Variants in PLCB1 observed in about 807,000 individuals in gnomAD.
The protein encoded by PLCB1 is 1-phosphatidylinositol 4,5-bisphosphate phosphodiesterase beta-1.
A neutral mutation model predicts 161.8 loss-of-function variants in PLCB1; 46 were observed. The ratio of observed to expected loss-of-function variants is 0.28; its 90% CI spans 0.22 to 0.36. The LOEUF is 0.36. Among genes scored for constraint, PLCB1 ranks in the 10% least tolerant of loss-of-function variants. PLCB1 has a pLI of 1.00. For synonymous variants in PLCB1, 517 were observed against 503.7 expected, an observed-to-expected ratio of 1.03 and a Z score of -0.35; for missense variants, 1,016 against 1,472.5, an observed-to-expected ratio of 0.69 and a Z score of 5.07.
rs149096490 is a variant in PLCB1, at chr20:8,452,798, T to C, written c.246+81348T>C. Among the ~76,000 whole-genome samples, 4 of 152,338 alleles carry C rather than the reference T, an allele frequency of 2.6e-5. No individual in the cohort carries two copies. The East Asian group carries it at 7.7e-4, about 29-fold the overall frequency. ...AGATGAATACATTGGAGGAAAGATA[T>C]TCTGGTAGGAACACTGTGAGTAAAC... is the stretch of plus-strand genomic sequence containing the variant. On this transcript the variant is annotated intron_variant, in intron 3 of 31. Coordinates refer to ENST00000338037, the MANE Select transcript of PLCB1 (RefSeq NM_015192.4).
At chr20:8,777,340 C>A (rs189033238) in intron 27 of PLCB1, among the ~76,000 whole-genome samples, 9 of 152,216 alleles carry the variant, frequency 5.9e-5, no homozygotes, top group Middle Eastern at 3.4e-3. Flanking sequence ...AAAGTTCAGG[C>A]CAACAGCAGC....
chr20:8,573,903 A>G lies in PLCB1; in HGVS notation c.247-54391A>G, dbSNP rs77589414. Among the ~76,000 whole-genome samples the G allele has an allele frequency of 5.0e-3, 758 of 152,330 alleles. 5 individuals are homozygous for G. The highest frequency in any genetic ancestry group is 0.017 in the African/African-American group (716 of 41,566). On this transcript the variant is annotated intron_variant, in intron 3 of 31. Transcript: ENST00000338037. The stretch of plus-strand genomic sequence containing the variant: ...GTCTGTTATTTCAGGGTAATTACAC[A>G]TTTACATTTTTGCAGCTAGCAGCTG...
At chr20:8,814,642 C>A (rs1984998551) in intron 31 of PLCB1, among the ~76,000 whole-genome samples, 1 of 150,522 alleles carries the variant, frequency 6.6e-6, no homozygotes, top group South Asian at 2.1e-4. Context: ...TTACTCATTG[C>A]TTTTGGTACA....
At chr20:8,356,927 G>A (rs879917200) in intron 2 of PLCB1, among the ~76,000 whole-genome samples, 5 of 152,154 alleles carry the variant, frequency 3.3e-5, no homozygotes, top group East Asian at 3.8e-4. Flanking sequence ...CAGGGCCTGA[G>A]CTAAGTGGAT....
intron 2 of PLCB1, among the ~76,000 whole-genome samples, chr20:8,364,169 C>T (rs564551793): frequency 6.6e-6 from 1 of 152,142 alleles, no homozygotes; most frequent in South Asian, 2.1e-4. Context: ...GACCTTGGCT[C>T]CCGGAAGAAT....
intron 3 of PLCB1, among the ~76,000 whole-genome samples, chr20:8,495,324 T>G (rs537943542): frequency 6.6e-6 from 1 of 151,950 alleles, no homozygotes; most frequent in African/African-American, 2.4e-5. Flanking sequence ...ACCTTAACAT[T>G]TTGGCTTCAG....
intron 3 of PLCB1, among the ~76,000 whole-genome samples, chr20:8,450,162 C>T (rs754771482): frequency 6.6e-6 from 1 of 152,180 alleles, no homozygotes; most frequent in Non-Finnish European, 1.5e-5. Context: ...TCCCATCCTA[C>T]TCCTGGAAGT....
rs557304926 is a variant in PLCB1 at position 8,551,591 on chromosome 20, A to T, written c.247-76703A>T. ...TAGACTGTCCTTTTGCATGCTGGAG[A>T]GTGAGCTCTTCCAGAGGCAGCCCTC... On this transcript the variant is annotated intron_variant, in intron 3 of 31. Transcript: ENST00000338037. Among the ~76,000 whole-genome samples, 5 of 152,098 alleles carry T rather than the reference A, an allele frequency of 3.3e-5. 1 individual carries two copies. The highest frequency in any genetic ancestry group is 3.3e-4 in the Admixed American group (5 of 15,260).
At chr20:8,149,557 C>G (rs939969702) in intron 1 of PLCB1, among the ~76,000 whole-genome samples, 1 of 152,092 alleles carries the variant, frequency 6.6e-6, no homozygotes, top group Non-Finnish European at 1.5e-5. Flanking sequence ...CTAAAAAATG[C>G]AATTCCTGCA....
chr20:8,497,664 C>T (rs1271027211), intron 3 of PLCB1, among the ~76,000 whole-genome samples: 3 of 151,948 alleles, frequency 2.0e-5, no homozygotes, highest in Admixed American at 6.6e-5. Flanking sequence ...CCATGTATTG[C>T]CTTGACTTAC....
chr20:8,809,524 A>G (rs991359959), intron 31 of PLCB1, among the ~76,000 whole-genome samples: 1 of 152,104 alleles, frequency 6.6e-6, no homozygotes, highest in African/African-American at 2.4e-5. Flanking sequence ...TTGAAAATCA[A>G]CAATCTCTAA....
intron 2 of PLCB1, among the ~76,000 whole-genome samples, chr20:8,296,113 A>T (rs1983616871): frequency 6.6e-6 from 1 of 152,166 alleles, no homozygotes; most frequent in Non-Finnish European, 1.5e-5. Flanking sequence ...TCATGTTAAG[A>T]CCAGATATCA....
At chr20:8,150,936 T>A (rs1408510686) in intron 2 of PLCB1, among the ~76,000 whole-genome samples, 1 of 152,194 alleles carries the variant, frequency 6.6e-6, no homozygotes, top group Non-Finnish European at 1.5e-5. Context: ...TAGCATGAAT[T>A]TATTATCTCA....
At chr20:8,507,246 T>A (rs1046829798) in intron 3 of PLCB1, among the ~76,000 whole-genome samples, 13 of 152,140 alleles carry the variant, frequency 8.5e-5, no homozygotes, top group Non-Finnish European at 1.6e-4. Context: ...GACTTGGTCT[T>A]ACTGTCTCAG....
intron 3 of PLCB1, among the ~76,000 whole-genome samples, chr20:8,493,054 A>G (rs1330298594): frequency 6.6e-6 from 1 of 152,090 alleles, no homozygotes; most frequent in Non-Finnish European, 1.5e-5. Flanking sequence ...CACTGAAATG[A>G]GCTTGGTGTG....
intron 2 of PLCB1, among the ~76,000 whole-genome samples, chr20:8,218,334 C>CA (rs1979236283): frequency 6.6e-6 from 1 of 152,092 alleles, no homozygotes. Flanking sequence ...TCAGATAGGT[C>CA]ATAGAGTGAG....
chr20:8,850,316 C>T (rs1010548005), intron 31 of PLCB1, among the ~76,000 whole-genome samples: 3 of 152,082 alleles, frequency 2.0e-5, no homozygotes, highest in Non-Finnish European at 2.9e-5. Context: ...GCATGTAAGA[C>T]GCTGTATAAA....
intron 2 of PLCB1, among the ~76,000 whole-genome samples, chr20:8,272,111 A>T (rs1464330498): frequency 3.3e-5 from 5 of 152,088 alleles, no homozygotes; most frequent in African/African-American, 4.8e-5. Context: ...TTTGGGGCAA[A>T]AAGAAGAGCT....
intron 3 of PLCB1, among the ~76,000 whole-genome samples, chr20:8,457,060 A>G (rs1189077590): frequency 6.6e-6 from 1 of 152,176 alleles, no homozygotes; most frequent in Non-Finnish European, 1.5e-5. Context: ...ACTTCTCTAG[A>G]GGTAGTTATA....
Sources: gnomAD v4.1 joint callset for allele counts (sites outside exome capture counted in the v4.1 genomes callset) on GRCh38, gnomAD v4.1.1 for gene constraint, MANE v1.5 for transcripts, NCBI Gene and HGNC (gene_info 2026-07-23, HGNC 2026-07-21) for gene names.